HS6ST2: variants seen among roughly 807,000 people sequenced by gnomAD.
HS6ST2 encodes the protein heparan sulfate 6-O-sulfotransferase 2.
HS6ST2 carries 17 observed loss-of-function variants against 33.0 expected under a neutral mutation model. That is an observed-to-expected ratio of 0.52 (90% CI 0.35 to 0.77). HS6ST2 has a LOEUF of 0.77. Among genes scored for constraint, HS6ST2 ranks in the 30% least tolerant of loss-of-function variants. The pLI is 0.01. For missense variants in HS6ST2, 519 were observed against 551.7 expected (o/e 0.94, Z 0.59); for synonymous variants, 248 against 237.1 (o/e 1.05, Z -0.42).
intron 2 of HS6ST2, among the ~76,000 whole-genome samples, chrX:132,837,224 T>A (rs186059348): frequency 7.1e-5 from 8 of 112,020 alleles, no homozygotes; most frequent in Non-Finnish European, 1.3e-4. Context: ...CAAATGAAAT[T>A]CCATCCAATG....
chrX:132,755,199 T>C (rs1029901968), intron 2 of HS6ST2, among the ~76,000 whole-genome samples: 4 of 112,582 alleles, frequency 3.6e-5, no homozygotes, highest in African/African-American at 1.3e-4. Context: ...TGGATGTTTA[T>C]TTTATACTTT....
intron 2 of HS6ST2, among the ~76,000 whole-genome samples, chrX:132,930,796 A>G (rs2066760803): frequency 9.0e-6 from 1 of 111,714 alleles, no homozygotes; most frequent in Non-Finnish European, 1.9e-5. Context: ...CTAAATAACA[A>G]CACAAATGCT....
chrX:132,780,075 C>T (rs1041457964), intron 2 of HS6ST2, among the ~76,000 whole-genome samples: 1 of 111,016 alleles, frequency 9.0e-6, no homozygotes, highest in Non-Finnish European at 1.9e-5. Context: ...AACCACCGTG[C>T]ACATGCAAGA....
chrX:132,796,921 T>G (rs1223296845), intron 2 of HS6ST2, among the ~76,000 whole-genome samples: 2 of 112,266 alleles, frequency 1.8e-5, no homozygotes, highest in Non-Finnish European at 3.8e-5. Flanking sequence ...GAGAGCTTAA[T>G]GTAAACCCAA....
chrX:132,804,434 A>C (rs2065261636), intron 2 of HS6ST2, among the ~76,000 whole-genome samples: 1 of 111,924 alleles, frequency 8.9e-6, no homozygotes, highest in Non-Finnish European at 1.9e-5. Context: ...GCAGAAGCCC[A>C]CAAGTTGCTA....
In HS6ST2 at chrX:132,752,251, C is replaced by T. The variant is rs992326520; in HGVS notation, c.948-43757G>A. Among the ~76,000 whole-genome samples the T allele has an allele frequency of 3.6e-5, 4 of 110,899 alleles. No individual in the cohort carries two copies. In the South Asian group the frequency reaches 1.2e-3, roughly 33 times the overall value. On this transcript the variant is annotated intron_variant, in intron 2 of 4. Coordinates refer to ENST00000370833, the MANE Select transcript of HS6ST2 (RefSeq NM_001394073.1). ...CTTTGGAAGGCCGAGGTGGGCAGAT[C>T]GCCTGAGGTCAGGAGTTCGAGACCA...
chrX:132,767,364 G>A (rs2064858838), intron 2 of HS6ST2, among the ~76,000 whole-genome samples: 1 of 111,405 alleles, frequency 9.0e-6, no homozygotes, highest in African/African-American at 3.3e-5. Context: ...GACTACAGGC[G>A]CACATCACCA....
chrX:132,813,631 C>A (rs1455088517), intron 2 of HS6ST2, among the ~76,000 whole-genome samples: 1 of 111,257 alleles, frequency 9.0e-6, no homozygotes, highest in Non-Finnish European at 1.9e-5. Flanking sequence ...AAAAATCATG[C>A]CTTCATTGGT....
At chrX:132,740,424 A>G (rs2064559988) in intron 2 of HS6ST2, among the ~76,000 whole-genome samples, 1 of 111,510 alleles carries the variant, frequency 9.0e-6, no homozygotes, top group Non-Finnish European at 1.9e-5. Context: ...GCTGAACCCC[A>G]TCAGTTCCTA....
intron 2 of HS6ST2, among the ~76,000 whole-genome samples, chrX:132,740,250 T>C (rs1361033494): frequency 8.9e-6 from 1 of 112,571 alleles, no homozygotes; most frequent in African/African-American, 3.2e-5. Context: ...TGATTACAAG[T>C]GAAGTTGATT....
At chrX:132,919,030 A>T (rs182567286) in intron 2 of HS6ST2, among the ~76,000 whole-genome samples, 1 of 112,225 alleles carries the variant, frequency 8.9e-6, no homozygotes, top group African/African-American at 3.2e-5. Flanking sequence ...TTCTTTAATG[A>T]ATCGTGAAAT....
chrX:132,638,521 G>C (rs1399598059), intron 4 of HS6ST2, among the ~76,000 whole-genome samples: 1 of 112,331 alleles, frequency 8.9e-6, no homozygotes, highest in Non-Finnish European at 1.9e-5. Flanking sequence ...TAGTAGTCAT[G>C]CTTTACCTAG....
At chrX:132,739,933 GT>G (rs1219131846) in intron 2 of HS6ST2, among the ~76,000 whole-genome samples, 1 of 111,185 alleles carries the variant, frequency 9.0e-6, no homozygotes, top group Non-Finnish European at 1.9e-5. Context: ...TCAGAGTCTT[GT>G]TTTTTTCTAT....
intron 4 of HS6ST2, among the ~76,000 whole-genome samples, chrX:132,659,853 C>T (rs1267823782): frequency 8.9e-6 from 1 of 111,788 alleles, no homozygotes; most frequent in East Asian, 2.8e-4. Flanking sequence ...TAAAGCATCT[C>T]GCACAGTGTT....
At chrX:132,899,073 A>G (rs2066404864) in intron 2 of HS6ST2, among the ~76,000 whole-genome samples, 1 of 111,873 alleles carries the variant, frequency 8.9e-6, no homozygotes, top group East Asian at 2.8e-4. Context: ...AATTAGCTGC[A>G]GGCTAAAGGC....
chrX:132,709,812 A>AACACACACACACACAC (rs60459374), intron 2 of HS6ST2, among the ~76,000 whole-genome samples: 3,482 of 92,136 alleles, frequency 0.038, 105 homozygotes, highest in East Asian at 0.12. Context: ...GAAAAGACAA[A>AACACACACACACACAC]ACACACACAC....
At chrX:132,821,557 C>T (rs779181227) in intron 2 of HS6ST2, among the ~76,000 whole-genome samples, 1 of 110,145 alleles carries the variant, frequency 9.1e-6, no homozygotes, top group Non-Finnish European at 1.9e-5. Flanking sequence ...TGAGTGATCC[C>T]GGTGACCCCC....
chrX:132,867,264 T>G (rs1344531375), intron 2 of HS6ST2, among the ~76,000 whole-genome samples: 39 of 95,559 alleles, frequency 4.1e-4, no homozygotes, highest in African/African-American at 5.2e-4. Flanking sequence ...TTGCTTCTGT[T>G]TATATGCTGG....
rs904295819 is a variant in HS6ST2, at chrX:132,626,401, T to C, written c.*1822A>G. 6 of 112,750 alleles carry C rather than the reference T, an allele frequency of 5.3e-5. No individual in the cohort carries two copies. The highest frequency in any genetic ancestry group is 7.5e-5 in the Non-Finnish European group (4 of 53,308). The allele number at this position is 112,750 out of a possible 1,213,427, so 9.3% of individuals were successfully genotyped here. A position where few individuals can be genotyped will look rare whatever the true frequency, so the allele number is the denominator to read the frequency against. Reference sequence around the variant, plus strand: ...TTTAAAAACACAATTGTACACAAAATAGTTTTACTCTAAAACACTGTGACT... The same window carrying C: ...TTTAAAAACACAATTGTACACAAAACAGTTTTACTCTAAAACACTGTGACT... On this transcript the variant is annotated 3_prime_UTR_variant, in exon 5 of 5. Transcript: ENST00000370833.
Sources: gnomAD v4.1 joint callset for allele counts (sites outside exome capture counted in the v4.1 genomes callset) on GRCh38, gnomAD v4.1.1 for gene constraint, MANE v1.5 for transcripts, NCBI Gene and HGNC (gene_info 2026-07-23, HGNC 2026-07-21) for gene names.